CPZ: variants seen among roughly 807,000 people sequenced by gnomAD.
CPZ encodes VEZT/CPZ fusion.
CPZ carries 103 observed loss-of-function variants against 61.8 expected under a neutral mutation model. The ratio of observed to expected loss-of-function variants is 1.67; its 90% CI spans 1.42 to 1.96. The LOEUF is 1.96. Among genes scored for constraint, CPZ ranks in the 30% most tolerant of loss-of-function variants. CPZ has a pLI of 0.00. For synonymous variants in CPZ, 551 were observed against 373.7 expected (o/e 1.47, Z -5.47); for missense variants, 1,461 against 914.9 (o/e 1.60, Z -7.70).
chr4:8,592,899 C>CCG lies in CPZ; in HGVS notation c.66_67insCG (p.Glu23ArgfsTer61). On this transcript the variant is annotated frameshift_variant, in exon 1 of 11. Coordinates refer to ENST00000360986, the MANE Select transcript of CPZ (RefSeq NM_001014447.3). LOFTEE classifies it high-confidence loss of function. ...TCGTCGCCGCTGCCCGGCCGGGGTG[C>CCG]GAGTTTGAGCGGAACCCCGCCGGTA... The CCG allele has an allele frequency of 1.3e-6, 2 of 1,534,654 alleles. No individual in the cohort carries two copies. Among genetic ancestry groups the CCG allele is most frequent in the Non-Finnish European group, 1.7e-6 (2 of 1,144,128 alleles).
chr4:8,600,882 C>A lies in CPZ; in HGVS notation c.122-241C>A, dbSNP rs112403040. On this transcript the variant is annotated intron_variant, in intron 2 of 10. Coordinates refer to ENST00000360986, the MANE Select transcript of CPZ (RefSeq NM_001014447.3). Reference sequence around the variant, plus strand: ...CAGATGGAGACGCCGAGGCTCAGGGCAGCCTGCTGCGGCTGGCTTGCTGGT... The same window carrying A: ...CAGATGGAGACGCCGAGGCTCAGGGAAGCCTGCTGCGGCTGGCTTGCTGGT... The A allele has an allele frequency of 1.4e-4, 180 of 1,242,718 alleles. No homozygotes were observed. The African/African-American group carries it at 2.0e-3, about 14-fold the overall frequency. 77.0% of individuals were successfully genotyped at this position (1,242,718 alleles called of 1,614,324 possible).
chr4:8,605,875 C>T lies in CPZ; in HGVS notation c.710-114C>T, dbSNP rs1714950028. ...ATATACAGAGGTTCTTGAGTCAAAA[C>T]AAGTATGAATTGGTCCCAGCCCATC... On this transcript the variant is annotated intron_variant, in intron 4 of 10. Transcript: ENST00000360986. The T allele has an allele frequency of 5.8e-6, 6 of 1,038,370 alleles. No homozygotes were observed. In the South Asian group the frequency reaches 1.0e-4, roughly 18 times the overall value. The allele number at this position is 1,038,370 out of a possible 1,614,324, so 64.3% of individuals were successfully genotyped here.
intron 9 of CPZ, among the ~76,000 whole-genome samples, chr4:8,616,289 G>T (rs1440798134): frequency 6.6e-6 from 1 of 152,122 alleles, no homozygotes; most frequent in African/African-American, 2.4e-5. Flanking sequence ...GCGAGGGGAG[G>T]GGCGGCGTGG....
In CPZ at chr4:8,619,135, C is replaced by G. The variant is rs1560306574; in HGVS notation, c.1604-127C>G. On this transcript the variant is annotated intron_variant, in intron 10 of 10. Coordinates refer to ENST00000360986, the MANE Select transcript of CPZ (RefSeq NM_001014447.3). ...GTGGGAAGGACGTTCCAGGCCCACA[C>G]AGAGGCAAGTGCACATTTGGCGCCT... is the stretch of plus-strand genomic sequence containing the variant. 7.9e-6 allele frequency: 6 copies of G among 758,832 alleles called. No individual in the cohort carries two copies. In the East Asian group the frequency reaches 1.4e-4, roughly 17 times the overall value. 47.0% of individuals were successfully genotyped at this position (758,832 alleles called of 1,614,324 possible).
chr4:8,594,033 C>T (rs1713992798), intron 1 of CPZ, among the ~76,000 whole-genome samples: 2 of 152,174 alleles, frequency 1.3e-5, no homozygotes, highest in Non-Finnish European at 2.9e-5. Context: ...GGAAGCTCTC[C>T]TGACCTGCCC....
chr4:8,592,951 C>A (rs748874417), intron 1 of CPZ, 30 bp downstream of exon 1: 16 of 1,481,128 alleles, frequency 1.1e-5, no homozygotes, highest in Non-Finnish European at 1.8e-6. Context: ...CCACCCTCCA[C>A]CCTCCACCCT....
At chr4:8,597,415 AT>A (rs1714253603) in intron 1 of CPZ, 1 of 151,660 alleles carries the variant, frequency 6.6e-6, no homozygotes, top group South Asian at 2.1e-4. Flanking sequence ...TATGCTGCAG[AT>A]TGGTGGAGTC....
chr4:8,603,236 C>CA (rs1714704947), intron 3 of CPZ: 1 of 152,438 alleles, frequency 6.6e-6, no homozygotes, highest in Non-Finnish European at 1.5e-5. Flanking sequence ...CTGACTGCTG[C>CA]AAAGCCCCTG....
intron 4 of CPZ, among the ~76,000 whole-genome samples, chr4:8,605,321 T>TCCA (rs1454678083): frequency 4.4e-4 from 50 of 113,114 alleles, no homozygotes; most frequent in Non-Finnish European, 7.3e-4. Flanking sequence ...CATTCATTTA[T>TCCA]TCATCCATCC....
At chr4:8,605,221 A>G (rs1435607476) in intron 4 of CPZ, among the ~76,000 whole-genome samples, 1 of 152,124 alleles carries the variant, frequency 6.6e-6, no homozygotes, top group Non-Finnish European at 1.5e-5. Context: ...CCAGGGGAGC[A>G]AGTGCGAGGC....
At chr4:8,608,056 C>T (rs888888542) in intron 7 of CPZ, among the ~76,000 whole-genome samples, 3 of 151,876 alleles carry the variant, frequency 2.0e-5, no homozygotes, top group Non-Finnish European at 2.9e-5. Context: ...GGGGAGGGCG[C>T]GGAGTTGGTC....
At chr4:8,618,054 G>A (rs1308619489) in intron 9 of CPZ, 1 of 280,134 alleles carries the variant, frequency 3.6e-6, no homozygotes, top group East Asian at 9.1e-5. Flanking sequence ...AGGAGCCTCA[G>A]CTCAGAGGGA....
rs899233139 is a variant in CPZ, at chr4:8,606,134, C to G, written c.855C>G (p.Ile285Met). The stretch of plus-strand genomic sequence containing the variant: ...AGCGCCTGCTCAACACCACCCGCAT[C>G]CACCTGCTGCCCTCCATGAACCCTG... ...RIQRLLNTTR[I>M]HLLPSMNPDG... The change falls in exon 5 of 11, where the codon ATC becomes ATG. Residue 285 changes from isoleucine to methionine, a missense_variant. Ile to Met is a conservative substitution (Grantham distance 10, BLOSUM62 1). Transcript: ENST00000360986. The G allele has an allele frequency of 4.3e-6, 7 of 1,614,196 alleles. No homozygotes were observed. The highest frequency in any genetic ancestry group is 1.3e-5 in the African/African-American group (1 of 75,058).
At chr4:8,599,170 G>T (rs1231741791) in intron 1 of CPZ, among the ~76,000 whole-genome samples, 1 of 152,262 alleles carries the variant, frequency 6.6e-6, no homozygotes, top group Non-Finnish European at 1.5e-5. Context: ...GGGCACCATG[G>T]CCCAGCCCCG....
At chr4:8,609,052 C>CCAT in intron 7 of CPZ, among the ~76,000 whole-genome samples, 1 of 146,390 alleles carries the variant, frequency 6.8e-6, no homozygotes, top group African/African-American at 2.6e-5. Context: ...CACTCCCTCC[C>CCAT]TCCCTCACTC....
At chr4:8,612,551 C>G (rs1397759557) in intron 8 of CPZ, among the ~76,000 whole-genome samples, 1 of 152,164 alleles carries the variant, frequency 6.6e-6, no homozygotes, top group African/African-American at 2.4e-5. Context: ...AAGGATGTTC[C>G]AATGCGTGGG....
intron 1 of CPZ, among the ~76,000 whole-genome samples, chr4:8,599,219 G>A (rs915261297): frequency 2.0e-5 from 3 of 152,238 alleles, no homozygotes; most frequent in Admixed American, 1.3e-4. Context: ...GCCTGCTGCT[G>A]CCTGTCTGTC....
chr4:8,606,291 AG>A, intron 5 of CPZ, 106 bp downstream of exon 5: 3 of 1,126,006 alleles, frequency 2.7e-6, no homozygotes, highest in Non-Finnish European at 2.5e-6. Context: ...CTGCCTCTCT[AG>A]GAGAGGAGCA....
At chr4:8,612,904 G>C (rs138217716) in intron 8 of CPZ, among the ~76,000 whole-genome samples, 1 of 152,206 alleles carries the variant, frequency 6.6e-6, no homozygotes, top group African/African-American at 2.4e-5. Flanking sequence ...CCATGCAGGC[G>C]GGCAGAGAAG....
Sources: gnomAD v4.1 joint callset for allele counts (sites outside exome capture counted in the v4.1 genomes callset) on GRCh38, gnomAD v4.1.1 for gene constraint, MANE v1.5 for transcripts, NCBI Gene and HGNC (gene_info 2026-07-23, HGNC 2026-07-21) for gene names.